The following MPDZ variants were observed in gnomAD, a reference collection of about 807,000 sequenced individuals.
The protein encoded by MPDZ is multiple PDZ domain protein.
Under a neutral mutation model 239.1 loss-of-function variants are expected in MPDZ, and 234 were observed. The observed-to-expected ratio is 0.98, with a 90% confidence interval of 0.88 to 1.09. MPDZ has a LOEUF of 1.09. Among genes scored for constraint, MPDZ ranks in the 50% least tolerant of loss-of-function variants. The pLI, the probability that MPDZ is intolerant of heterozygous loss-of-function variation, is 0.00. For missense variants in MPDZ, 3,175 were observed against 2,510.0 expected (o/e 1.26, Z -5.66); for synonymous variants, 1,048 against 881.3 (o/e 1.19, Z -3.35).
chr9:13,265,341 G>A (rs188236321), intron 1 of MPDZ, among the ~76,000 whole-genome samples: 83 of 152,230 alleles, frequency 5.5e-4, no homozygotes, highest in African/African-American at 1.9e-3. Context: ...ACGCTGAGGC[G>A]GTCAGATCAC....
intron 21 of MPDZ, among the ~76,000 whole-genome samples, chr9:13,171,897 T>C (rs978504549): frequency 3.3e-5 from 5 of 152,142 alleles, no homozygotes; most frequent in African/African-American, 9.6e-5. Flanking sequence ...AATGAGCTCA[T>C]TGATAGACCT....
intron 32 of MPDZ, among the ~76,000 whole-genome samples, chr9:13,132,194 C>A (rs1314078960): frequency 6.6e-6 from 1 of 152,084 alleles, no homozygotes; most frequent in South Asian, 2.1e-4. Flanking sequence ...AAAAAGGAGG[C>A]GAAAGGCAGA....
At chr9:13,230,075 G>T (rs1430577215) in intron 3 of MPDZ, among the ~76,000 whole-genome samples, 2 of 151,928 alleles carry the variant, frequency 1.3e-5, no homozygotes, top group Non-Finnish European at 2.9e-5. Flanking sequence ...TGGCAAATAA[G>T]TACATAAAAG....
chr9:13,180,103 T>C (rs1451673574), intron 19 of MPDZ, among the ~76,000 whole-genome samples: 3 of 152,114 alleles, frequency 2.0e-5, no homozygotes, highest in Non-Finnish European at 4.4e-5. Context: ...CAGTCACTCA[T>C]CATTTTGATT....
In MPDZ at chr9:13,108,934, A is replaced by C. The variant is rs1586841023; in HGVS notation, c.6066+2T>G. On this transcript the variant is annotated splice_donor_variant, in intron 46 of 46. Coordinates refer to ENST00000319217, the MANE Select transcript of MPDZ (RefSeq NM_001378778.1). LOFTEE classifies it high-confidence loss of function. ...GAGGGTGGTTAAAATTTGCAAGCTT[A>C]CCTTTGCAAACACTGTTTTAACATA... The C allele has an allele frequency of 1.2e-6, 2 of 1,610,078 alleles. No homozygotes were observed. Among genetic ancestry groups the C allele is most frequent in the South Asian group, 2.2e-5 (2 of 90,610 alleles).
intron 1 of MPDZ, among the ~76,000 whole-genome samples, chr9:13,271,489 G>C (rs1310519802): frequency 6.6e-6 from 1 of 152,160 alleles, no homozygotes; most frequent in Non-Finnish European, 1.5e-5. Context: ...CGTTTGTAAA[G>C]ATGATCATCT....
Position 13,190,295 on chromosome 9 carries a change from T to C in MPDZ, c.1973A>G (p.His658Arg). ...CCCGATGAACTCACCTAGATCTACG[T>C]GAGGCTGGATAATATCAGACAGCTC... Reference protein sequence around the residue: ...LCDIELTEKPHVDLGEFIGSS... With the variant: ...LCDIELTEKPRVDLGEFIGSS... Residue 658 changes from histidine to arginine, a missense_variant, in exon 16 of 47, where the codon CAC (histidine) becomes CGC (arginine). His to Arg is a conservative substitution (Grantham distance 29). Transcript: ENST00000319217. 6.4e-7 allele frequency: 1 copy of C among 1,566,826 alleles called. No homozygotes were observed. Among genetic ancestry groups the C allele is most frequent in the South Asian group, 1.2e-5 (1 of 81,762 alleles).
chr9:13,238,290 A>G (rs914847756), intron 3 of MPDZ, among the ~76,000 whole-genome samples: 16 of 152,176 alleles, frequency 1.1e-4, no homozygotes, highest in African/African-American at 3.9e-4. Flanking sequence ...GGAGCAGACA[A>G]GATGGCAAGA....
chr9:13,174,390 T>C (rs1205343410), intron 21 of MPDZ, among the ~76,000 whole-genome samples: 1 of 152,186 alleles, frequency 6.6e-6, no homozygotes, highest in Non-Finnish European at 1.5e-5. Context: ...TACACTAGAA[T>C]AATAGTTCTC....
chr9:13,168,978 C>T (rs571144002), intron 21 of MPDZ, among the ~76,000 whole-genome samples: 55 of 152,074 alleles, frequency 3.6e-4, no homozygotes, highest in African/African-American at 1.3e-3. Context: ...AGCAATTATC[C>T]GCTATTACCT....
At position 13,166,083 on chromosome 9, in the gene MPDZ, C is replaced by G. The variant is rs571007941; in HGVS notation, c.3254+2283G>C. Reference sequence around the variant, plus strand: ...CTTTTTTAAAGTTCCTACAATACACCCCTCCACCACCACCCAGATTAAGCT... The same window carrying G: ...CTTTTTTAAAGTTCCTACAATACACGCCTCCACCACCACCCAGATTAAGCT... On this transcript the variant is annotated intron_variant, in intron 22 of 46. Coordinates refer to ENST00000319217, the MANE Select transcript of MPDZ (RefSeq NM_001378778.1). 2.0e-5 allele frequency among the ~76,000 whole-genome samples: 3 copies of G among 152,064 alleles called. No individual in the cohort carries two copies. In the East Asian group the frequency reaches 5.8e-4, roughly 29 times the overall value.
At chr9:13,110,476 A>G (rs945731799) in intron 44 of MPDZ, among the ~76,000 whole-genome samples, 160 bp downstream of exon 44, 3 of 152,206 alleles carry the variant, frequency 2.0e-5, no homozygotes, top group African/African-American at 4.8e-5. Flanking sequence ...TATGTCTCAT[A>G]TGCACTTTAT....
At chr9:13,127,509 C>G (rs1305672087) in intron 32 of MPDZ, among the ~76,000 whole-genome samples, 1 of 152,146 alleles carries the variant, frequency 6.6e-6, no homozygotes, top group Non-Finnish European at 1.5e-5. Flanking sequence ...ATTGCCAGAG[C>G]TAGCCACCTT....
At position 13,219,741 on chromosome 9, in the gene MPDZ, T is replaced by C. The variant is rs556063838; in HGVS notation, c.904A>G (p.Ile302Val). 3.1e-6 allele frequency: 5 copies of C among 1,612,638 alleles called. No homozygotes were observed. The South Asian group carries it at 4.4e-5, about 14-fold the overall frequency. The change falls in exon 8 of 47, where the codon ATT becomes GTT. Residue 302 changes from isoleucine (I) to valine (V), a missense_variant. Physicochemically the swap from Ile to Val is conservative, Grantham distance 29 (BLOSUM62 3). Coordinates refer to ENST00000319217, the MANE Select transcript of MPDZ (RefSeq NM_001378778.1). ...QHGRLCSGDH[I>V]LKIGDTDLAG... ...AGATCTGTGTCACCAATCTTTAGAA[T>C]GTGGTCTCCACTGCATAAACGCCCA...
intron 13 of MPDZ, 69 bp downstream of exon 13, chr9:13,196,052 T>C: frequency 9.9e-7 from 1 of 1,015,046 alleles, no homozygotes; most frequent in Non-Finnish European, 1.5e-6. Flanking sequence ...ATTGCCTCTA[T>C]TATTCCCTCG....
intron 31 of MPDZ, chr9:13,134,362 G>C (rs1946438262): frequency 6.6e-6 from 1 of 152,128 alleles, no homozygotes; most frequent in Non-Finnish European, 1.5e-5. Flanking sequence ...ATTTCCTTAA[G>C]AGACATATTT....
At chr9:13,244,899 CCTTTA>C (rs1483303079) in intron 3 of MPDZ, among the ~76,000 whole-genome samples, 1 of 151,934 alleles carries the variant, frequency 6.6e-6, no homozygotes, top group Non-Finnish European at 1.5e-5. Flanking sequence ...TTATTCAGTC[CCTTTA>C]CTTCTAAAAA....
intron 17 of MPDZ, among the ~76,000 whole-genome samples, chr9:13,187,565 T>C (rs1954291734): frequency 6.6e-6 from 1 of 152,130 alleles, no homozygotes; most frequent in South Asian, 2.1e-4. Flanking sequence ...CATCCTGCCC[T>C]CCTCCTTCTC....
intron 43 of MPDZ, 105 bp from the exon 44 acceptor site, chr9:13,110,845 T>C (rs28455695): frequency 0.074 from 48,859 of 659,468 alleles, 2,076 homozygotes; most frequent in East Asian, 0.2. Flanking sequence ...ATGACATATA[T>C]ACTGCTACCA....
Sources: allele counts gnomAD v4.1 joint callset (sites outside exome capture counted in the v4.1 genomes callset), GRCh38; gene constraint gnomAD v4.1.1; transcripts MANE v1.5; gene names NCBI Gene and HGNC (gene_info 2026-07-23, HGNC 2026-07-21).